Variants in VTI1A observed in about 807,000 individuals in gnomAD.
VTI1A encodes vesicle transport through interaction with t-SNAREs 1A.
Under a neutral mutation model 34.9 loss-of-function variants are expected in VTI1A, and 22 were observed. That is an observed-to-expected ratio of 0.63 (90% CI 0.45 to 0.90). The LOEUF is 0.90. Ranked by LOEUF, VTI1A falls within the 40% of genes least tolerant of loss-of-function variation. The pLI, the probability that VTI1A is intolerant of heterozygous loss-of-function variation, is 0.00. For synonymous variants in VTI1A, 87 were observed against 97.3 expected, an observed-to-expected ratio of 0.89 and a Z score of 0.62; for missense variants, 268 against 275.6, an observed-to-expected ratio of 0.97 and a Z score of 0.20.
At chr10:112,771,952 C>T (rs6585187) in intron 7 of VTI1A, among the ~76,000 whole-genome samples, 1 of 152,088 alleles carries the variant, frequency 6.6e-6, no homozygotes, top group Non-Finnish European at 1.5e-5. Context: ...TTTACCTATT[C>T]TTCAGCCAAT....
chr10:112,671,661 A>G (rs1252363078), intron 7 of VTI1A, among the ~76,000 whole-genome samples: 1 of 152,190 alleles, frequency 6.6e-6, no homozygotes, highest in Non-Finnish European at 1.5e-5. Flanking sequence ...GACAGGTGAA[A>G]CCAGTGTTCC....
chr10:112,792,935 T>C (rs1344803913), intron 7 of VTI1A, among the ~76,000 whole-genome samples: 2 of 152,244 alleles, frequency 1.3e-5, no homozygotes, highest in African/African-American at 2.4e-5. Flanking sequence ...TAATTGGTGC[T>C]GTTTAGCACA....
chr10:112,564,123 T>G (rs986049585), intron 5 of VTI1A, among the ~76,000 whole-genome samples: 2 of 152,024 alleles, frequency 1.3e-5, no homozygotes, highest in African/African-American at 4.8e-5. Flanking sequence ...AATAGTTTTT[T>G]TTTTTTTTTA....
chr10:112,644,235 C>T (rs1379714952), intron 5 of VTI1A, among the ~76,000 whole-genome samples: 1 of 151,968 alleles, frequency 6.6e-6, no homozygotes, highest in Admixed American at 6.6e-5. Flanking sequence ...GATAGTTTCC[C>T]CACACAGAGA....
chr10:112,586,299 C>T (rs80098826), intron 5 of VTI1A, among the ~76,000 whole-genome samples: 1 of 152,224 alleles, frequency 6.6e-6, no homozygotes, highest in East Asian at 1.9e-4. Flanking sequence ...TCCGTGTAAA[C>T]TCATTTCATT....
At chr10:112,617,731 A>G (rs1230530685) in intron 5 of VTI1A, among the ~76,000 whole-genome samples, 2 of 152,164 alleles carry the variant, frequency 1.3e-5, no homozygotes. Context: ...AAGAATAAAA[A>G]TAAGACTAAA....
At chr10:112,544,680 G>A (rs1020446637) in intron 5 of VTI1A, among the ~76,000 whole-genome samples, 3 of 152,098 alleles carry the variant, frequency 2.0e-5, no homozygotes, top group African/African-American at 7.2e-5. Context: ...AGTCAGGAAG[G>A]ATCTCCCAGG....
chr10:112,733,530 G>A (rs549418436), intron 7 of VTI1A, among the ~76,000 whole-genome samples: 43 of 152,124 alleles, frequency 2.8e-4, no homozygotes, highest in African/African-American at 9.6e-4. Flanking sequence ...TTTTACTATG[G>A]CATTCTCTGG....
the VTI1A span, among the ~76,000 whole-genome samples, chr10:112,842,484 G>A: frequency 6.6e-6 from 1 of 152,222 alleles, no homozygotes; most frequent in Non-Finnish European, 1.5e-5. Flanking sequence ...CCAAGGATGA[G>A]AACTGGTCCA....
intron 5 of VTI1A, among the ~76,000 whole-genome samples, chr10:112,568,880 C>G (rs1024344057): frequency 6.6e-6 from 1 of 152,214 alleles, no homozygotes; most frequent in East Asian, 1.9e-4. Context: ...CTCAGCTGGG[C>G]GCGGTGGCTA....
intron 3 of VTI1A, among the ~76,000 whole-genome samples, chr10:112,486,307 T>C (rs1157390071): frequency 6.6e-6 from 1 of 152,212 alleles, no homozygotes; most frequent in Non-Finnish European, 1.5e-5. Context: ...GCAGGTTAAC[T>C]ACACTTTGGG....
At chr10:112,666,936 T>G (rs1268435453) in intron 5 of VTI1A, among the ~76,000 whole-genome samples, 1 of 152,110 alleles carries the variant, frequency 6.6e-6, no homozygotes, top group African/African-American at 2.4e-5. Flanking sequence ...TTGTACCCAT[T>G]TATGGATAAA....
At chr10:112,736,111 G>GTGTATATATA (rs778802494) in intron 7 of VTI1A, among the ~76,000 whole-genome samples, 137 of 116,184 alleles carry the variant, frequency 1.2e-3, no homozygotes, top group African/African-American at 4.1e-3. Context: ...ATGTGTGTGT[G>GTGTATATATA]TATATATATA....
intron 5 of VTI1A, among the ~76,000 whole-genome samples, chr10:112,613,186 T>C (rs1845384874): frequency 6.6e-6 from 1 of 152,198 alleles, no homozygotes; most frequent in Admixed American, 6.5e-5. Flanking sequence ...TATACTATTT[T>C]ATACCATTCA....
chr10:112,788,060 TTA>T (rs1360743757), intron 7 of VTI1A, among the ~76,000 whole-genome samples: 2 of 151,688 alleles, frequency 1.3e-5, no homozygotes, highest in African/African-American at 4.8e-5. Flanking sequence ...AACATATTTT[TTA>T]TTATTTCAAT....
chr10:112,519,738 A>C (rs1231050386), intron 3 of VTI1A, among the ~76,000 whole-genome samples: 1 of 152,080 alleles, frequency 6.6e-6, no homozygotes, highest in African/African-American at 2.4e-5. Flanking sequence ...TAGATCATTC[A>C]TCTGGCTTAG....
At chr10:112,668,160 A>T in intron 5 of VTI1A, 58 bp from the exon 6 acceptor site, 1 of 1,437,342 alleles carries the variant, frequency 7.0e-7, no homozygotes, top group African/African-American at 1.4e-5. Flanking sequence ...TATTTCTGAG[A>T]TTTACTCTCA....
intron 5 of VTI1A, among the ~76,000 whole-genome samples, chr10:112,605,198 A>G (rs1028314792): frequency 1.3e-5 from 2 of 152,066 alleles, no homozygotes; most frequent in Non-Finnish European, 2.9e-5. Flanking sequence ...GGAGTGTGAC[A>G]AACCCAGGCC....
At chr10:112,461,206 C>T (rs2134042944) in intron 2 of VTI1A, among the ~76,000 whole-genome samples, 1 of 152,314 alleles carries the variant, frequency 6.6e-6, no homozygotes, top group South Asian at 2.1e-4. Flanking sequence ...CATTAGAATA[C>T]CTTAGAGGAA....
Sources: gnomAD v4.1 joint callset for allele counts (sites outside exome capture counted in the v4.1 genomes callset) on GRCh38, gnomAD v4.1.1 for gene constraint, MANE v1.5 for transcripts, NCBI Gene and HGNC (gene_info 2026-07-23, HGNC 2026-07-21) for gene names.